RGS7: variants seen among roughly 807,000 people sequenced by gnomAD.
The protein encoded by RGS7 is regulator of G protein signaling 7.
A neutral mutation model predicts 81.1 loss-of-function variants in RGS7; 27 were observed. The observed-to-expected ratio is 0.33, with a 90% CI of 0.25 to 0.46. The LOEUF (loss-of-function observed/expected upper bound fraction) is 0.46. Ranked by LOEUF, RGS7 falls within the 20% of genes least tolerant of loss-of-function variation. The pLI is 1.00. For missense variants in RGS7, 396 were observed against 607.4 expected (o/e 0.65, Z 3.66); for synonymous variants, 208 against 207.7 (o/e 1.00, Z -0.01).
chr1:240,941,670 T>C (rs1482467878), intron 4 of RGS7, among the ~76,000 whole-genome samples: 2 of 151,960 alleles, frequency 1.3e-5, no homozygotes, highest in African/African-American at 2.4e-5. Context: ...CCAGTAAGAA[T>C]GGACTTGGGG....
chr1:240,926,382 A>T (rs1674441387), intron 6 of RGS7, among the ~76,000 whole-genome samples: 1 of 152,148 alleles, frequency 6.6e-6, no homozygotes, highest in African/African-American at 2.4e-5. Flanking sequence ...TTCCAGAATC[A>T]TTATTAAATA....
At chr1:240,802,551 C>G (rs571923568) in intron 16 of RGS7, among the ~76,000 whole-genome samples, 1 of 152,096 alleles carries the variant, frequency 6.6e-6, no homozygotes, top group African/African-American at 2.4e-5. Flanking sequence ...AACAAAGAAA[C>G]CTCTCTTCAA....
At chr1:241,265,279 T>C (rs555012760) in intron 2 of RGS7, among the ~76,000 whole-genome samples, 11 of 152,366 alleles carry the variant, frequency 7.2e-5, no homozygotes, top group African/African-American at 2.6e-4. Flanking sequence ...GCCATCTCCA[T>C]AATCCCTCCC....
At chr1:241,049,240 T>C (rs945291200) in intron 3 of RGS7, among the ~76,000 whole-genome samples, 1 of 152,206 alleles carries the variant, frequency 6.6e-6, no homozygotes, top group Admixed American at 6.5e-5. Flanking sequence ...TTAAATATAT[T>C]TGAGTGTGTT....
intron 2 of RGS7, among the ~76,000 whole-genome samples, chr1:241,316,987 G>A (rs1417857591): frequency 6.6e-6 from 1 of 152,186 alleles, no homozygotes; most frequent in Non-Finnish European, 1.5e-5. Context: ...TATTTGCAAT[G>A]TTAACATTTT....
chr1:240,878,489 C>CTTTTTTT (rs57896753), intron 6 of RGS7, among the ~76,000 whole-genome samples: 6 of 117,576 alleles, frequency 5.1e-5, no homozygotes, highest in Admixed American at 9.0e-5. Flanking sequence ...TTTTTTCTTT[C>CTTTTTTT]TTTTTTTTTT....
At chr1:240,907,651 G>A (rs1177847736) in intron 6 of RGS7, among the ~76,000 whole-genome samples, 2 of 152,100 alleles carry the variant, frequency 1.3e-5, no homozygotes, top group African/African-American at 2.4e-5. Flanking sequence ...TACCACCTAG[G>A]GTGTTAGTGA....
intron 2 of RGS7, among the ~76,000 whole-genome samples, chr1:241,300,635 G>A (rs2079695123): frequency 6.6e-6 from 1 of 152,138 alleles, no homozygotes; most frequent in Non-Finnish European, 1.5e-5. Flanking sequence ...CCATTGTCTG[G>A]AGGTACCACA....
intron 3 of RGS7, among the ~76,000 whole-genome samples, chr1:241,046,664 T>A (rs2060947345): frequency 6.6e-6 from 1 of 152,160 alleles, no homozygotes; most frequent in South Asian, 2.1e-4. Context: ...TATATGTGAC[T>A]CTCTCATGGG....
At chr1:240,963,335 AGTG>A (rs1444219603) in intron 4 of RGS7, among the ~76,000 whole-genome samples, 2 of 152,192 alleles carry the variant, frequency 1.3e-5, no homozygotes, top group Non-Finnish European at 2.9e-5. Flanking sequence ...GTATATTTGT[AGTG>A]GTTATCATAC....
At chr1:241,352,128 A>T (rs1411803942) in intron 2 of RGS7, among the ~76,000 whole-genome samples, 1 of 152,140 alleles carries the variant, frequency 6.6e-6, no homozygotes, top group East Asian at 1.9e-4. Flanking sequence ...CACAAAGGAG[A>T]GTTTTGTCTA....
chr1:241,286,126 C>T (rs527945043), intron 2 of RGS7, among the ~76,000 whole-genome samples: 2 of 152,248 alleles, frequency 1.3e-5, no homozygotes, highest in East Asian at 3.9e-4. Context: ...AAGTCTCTTC[C>T]ATTCTCTCAG....
chr1:241,028,539 C>T (rs1180680140), intron 3 of RGS7, among the ~76,000 whole-genome samples: 4 of 151,984 alleles, frequency 2.6e-5, no homozygotes, highest in Non-Finnish European at 5.9e-5. Context: ...ACTGAGATGC[C>T]GGTGAAACAG....
At chr1:240,963,414 T>C (rs926322007) in intron 4 of RGS7, among the ~76,000 whole-genome samples, 4 of 152,132 alleles carry the variant, frequency 2.6e-5, no homozygotes, top group Admixed American at 2.6e-4. Context: ...ATCTCATGCC[T>C]GGGTCTCCAA....
intron 3 of RGS7, among the ~76,000 whole-genome samples, chr1:241,058,171 T>C (rs2061568340): frequency 6.6e-6 from 1 of 152,174 alleles, no homozygotes; most frequent in Non-Finnish European, 1.5e-5. Flanking sequence ...CTCAAACATG[T>C]GCATTAAGAG....
At chr1:241,020,122 A>G (rs988265614) in intron 3 of RGS7, among the ~76,000 whole-genome samples, 3 of 152,212 alleles carry the variant, frequency 2.0e-5, no homozygotes, top group Admixed American at 2.0e-4. Flanking sequence ...AATGGGTATA[A>G]GATGCCTTAC....
intron 2 of RGS7, among the ~76,000 whole-genome samples, chr1:241,334,828 C>A (rs2082157450): frequency 6.9e-6 from 1 of 144,440 alleles, no homozygotes; most frequent in African/African-American, 2.9e-5. Flanking sequence ...TTATAGAATC[C>A]CTTCAAGAAT....
intron 2 of RGS7, among the ~76,000 whole-genome samples, chr1:241,283,963 T>G (rs559242670): frequency 1.5e-3 from 229 of 152,348 alleles, no homozygotes; most frequent in African/African-American, 5.3e-3. Flanking sequence ...GACTTACATT[T>G]GGTTCTTTTT....
In RGS7 at chr1:241,035,633, T is replaced by TACCACCCCAACACTGCTATCACCATC; in HGVS notation, c.176-52530_176-52505dup. Among the ~76,000 whole-genome samples the TACCACCCCAACACTGCTATCACCATC allele has an allele frequency of 2.6e-5, 4 of 152,210 alleles. No homozygotes were observed. In the South Asian group the frequency reaches 8.3e-4, roughly 32 times the overall value. On this transcript the variant is annotated intron_variant, in intron 3 of 18. Transcript: ENST00000440928. The stretch of plus-strand genomic sequence containing the variant: ...CTGCCATTGCCATCAGCATCACCAT[T>TACCACCCCAACACTGCTATCACCATC]ACCACCCCAACACTGCTATCACCAT...
Sources: allele counts gnomAD v4.1 joint callset (sites outside exome capture counted in the v4.1 genomes callset), GRCh38; gene constraint gnomAD v4.1.1; transcripts MANE v1.5; gene names NCBI Gene and HGNC (gene_info 2026-07-23, HGNC 2026-07-21).